Variants in ZDHHC14 observed in about 807,000 individuals in gnomAD.
The protein encoded by ZDHHC14 is zDHHC palmitoyltransferase 14, also known as palmitoyltransferase ZDHHC14.
ZDHHC14 carries 16 observed loss-of-function variants against 47.7 expected under a neutral mutation model. That is an observed-to-expected ratio of 0.34 (90% CI 0.23 to 0.51). ZDHHC14 has a LOEUF of 0.51. Ranked by LOEUF, ZDHHC14 falls within the 20% of genes least tolerant of loss-of-function variation. The pLI is 0.97. For synonymous variants in ZDHHC14, 293 were observed against 278.9 expected (o/e 1.05, Z -0.50); for missense variants, 515 against 662.5 (o/e 0.78, Z 2.44).
chr6:157,562,121 T>A (rs368318741), intron 2 of ZDHHC14, among the ~76,000 whole-genome samples: 1 of 151,956 alleles, frequency 6.6e-6, no homozygotes, highest in African/African-American at 2.4e-5. Flanking sequence ...AGAAAACATG[T>A]GTGGGGCAGT....
At chr6:157,600,239 G>A (rs759646542) in intron 3 of ZDHHC14, among the ~76,000 whole-genome samples, 17 of 151,814 alleles carry the variant, frequency 1.1e-4, no homozygotes, top group Non-Finnish European at 2.2e-4. Context: ...ACAAGCCAAC[G>A]TGAAGACATA....
chr6:157,610,941 G>A (rs1362079753), intron 3 of ZDHHC14, among the ~76,000 whole-genome samples: 1 of 152,226 alleles, frequency 6.6e-6, no homozygotes, highest in African/African-American at 2.4e-5. Context: ...CGGCCCTGTG[G>A]GACTTTCTGG....
intron 5 of ZDHHC14, 117 bp from the exon 6 acceptor site, chr6:157,645,616 TGAGA>T: frequency 1.4e-6 from 1 of 706,934 alleles, no homozygotes; most frequent in Admixed American, 2.6e-5. Flanking sequence ...CAAGGCCGGG[TGAGA>T]GAGAGGCCAG....
intron 1 of ZDHHC14, among the ~76,000 whole-genome samples, chr6:157,442,899 G>T (rs1398319550): frequency 2.0e-5 from 3 of 152,176 alleles, no homozygotes; most frequent in African/African-American, 7.2e-5. Context: ...GCTTGATCTG[G>T]AACATCACTG....
chr6:157,653,244 G>T (rs1167244043), intron 7 of ZDHHC14, among the ~76,000 whole-genome samples: 1 of 152,174 alleles, frequency 6.6e-6, no homozygotes, highest in African/African-American at 2.4e-5. Context: ...CAGCTTAGAG[G>T]CTCCCACAGT....
At chr6:157,588,811 C>T (rs1337275904) in intron 2 of ZDHHC14, among the ~76,000 whole-genome samples, 1 of 151,938 alleles carries the variant, frequency 6.6e-6, no homozygotes, top group Non-Finnish European at 1.5e-5. Flanking sequence ...CAGTGGGGTT[C>T]TCAAACCTGA....
intron 1 of ZDHHC14, among the ~76,000 whole-genome samples, chr6:157,384,600 A>G (rs997852362): frequency 6.6e-6 from 1 of 152,254 alleles, no homozygotes; most frequent in African/African-American, 2.4e-5. Flanking sequence ...TGACATTTCA[A>G]GAAAACAAGA....
intron 1 of ZDHHC14, among the ~76,000 whole-genome samples, chr6:157,415,357 G>T (rs180838736): frequency 3.2e-4 from 48 of 152,230 alleles, no homozygotes; most frequent in African/African-American, 1.0e-3. Context: ...ACCACTCTCA[G>T]ACAAATTGGT....
intron 3 of ZDHHC14, among the ~76,000 whole-genome samples, chr6:157,596,719 G>C (rs1379659288): frequency 6.6e-6 from 1 of 152,110 alleles, no homozygotes; most frequent in Admixed American, 6.6e-5. Flanking sequence ...TGTGATCCTA[G>C]TGCTACCCCC....
At chr6:157,443,174 G>A (rs940563957) in intron 1 of ZDHHC14, among the ~76,000 whole-genome samples, 13 of 152,094 alleles carry the variant, frequency 8.5e-5, no homozygotes, top group Non-Finnish European at 1.8e-4. Context: ...TTTTATAAGG[G>A]GCTCTTCCTT....
At chr6:157,418,540 G>A (rs966439011) in intron 1 of ZDHHC14, among the ~76,000 whole-genome samples, 2 of 152,194 alleles carry the variant, frequency 1.3e-5, no homozygotes, top group African/African-American at 4.8e-5. Context: ...GTCCAAAGCA[G>A]TGGGGAAAAA....
intron 8 of ZDHHC14, among the ~76,000 whole-genome samples, chr6:157,669,688 G>C (rs1309975721): frequency 6.6e-6 from 1 of 152,228 alleles, no homozygotes; most frequent in Non-Finnish European, 1.5e-5. Flanking sequence ...TTAGAGCCAG[G>C]GGGTATTGTG....
chr6:157,505,734 TAA>T lies in ZDHHC14; in HGVS notation c.246-36842_246-36841del, dbSNP rs11301558. ...GGATAGGGAGGCAGGGATCAGAAGTTAAAAAAAAAATTTGTTTAAACGAAGAA... is the reference window on the plus strand; with the variant it reads ...GGATAGGGAGGCAGGGATCAGAAGTTAAAAAAAATTTGTTTAAACGAAGAA... On this transcript the variant is annotated intron_variant, in intron 1 of 8. Transcript: ENST00000359775. Among the ~76,000 whole-genome samples the T allele has an allele frequency of 1.1e-4, 17 of 151,844 alleles. No individual in the cohort carries two copies. The East Asian group carries it at 1.9e-3, about 17-fold the overall frequency.
At chr6:157,604,527 A>G (rs1321831623) in intron 3 of ZDHHC14, among the ~76,000 whole-genome samples, 1 of 150,262 alleles carries the variant, frequency 6.7e-6, no homozygotes, top group African/African-American at 2.5e-5. Context: ...GTTATTTTCT[A>G]AGAAGCAGTT....
chr6:157,399,768 C>G (rs1334908979), intron 1 of ZDHHC14, among the ~76,000 whole-genome samples: 3 of 152,250 alleles, frequency 2.0e-5, no homozygotes, highest in African/African-American at 7.2e-5. Flanking sequence ...TGGCCCCTTT[C>G]CATAGACCAG....
At chr6:157,445,729 GA>G (rs963545034) in intron 1 of ZDHHC14, among the ~76,000 whole-genome samples, 1 of 151,680 alleles carries the variant, frequency 6.6e-6, no homozygotes, top group African/African-American at 2.4e-5. Context: ...TTTAGACGCA[GA>G]AAAAAAATAA....
At chr6:157,510,271 TA>T in intron 1 of ZDHHC14, among the ~76,000 whole-genome samples, 2 of 152,102 alleles carry the variant, frequency 1.3e-5, no homozygotes, top group South Asian at 4.2e-4. Context: ...AATAAATAAA[TA>T]AAATTCCCTA....
At chr6:157,540,329 G>A (rs1180307264) in intron 1 of ZDHHC14, among the ~76,000 whole-genome samples, 1 of 152,182 alleles carries the variant, frequency 6.6e-6, no homozygotes, top group Admixed American at 6.5e-5. Flanking sequence ...GACAGGGAAC[G>A]GTGGAGGGCA....
chr6:157,548,395 G>A (rs1319124356), intron 2 of ZDHHC14, among the ~76,000 whole-genome samples: 3 of 151,976 alleles, frequency 2.0e-5, no homozygotes, highest in East Asian at 1.9e-4. Context: ...TCCTCCCTCC[G>A]TGCTGCTTTC....
Sources: gnomAD v4.1 joint callset for allele counts (sites outside exome capture counted in the v4.1 genomes callset) on GRCh38, gnomAD v4.1.1 for gene constraint, MANE v1.5 for transcripts, NCBI Gene and HGNC (gene_info 2026-07-23, HGNC 2026-07-21) for gene names.